SRFBP1: variants seen among roughly 807,000 people sequenced by gnomAD.
SRFBP1 encodes serum response factor-binding protein 1.
In SRFBP1, 47 loss-of-function variants were observed where a neutral mutation model predicts 45.5. The ratio of observed to expected loss-of-function variants is 1.03; its 90% confidence interval spans 0.82 to 1.32. SRFBP1 has a LOEUF of 1.32. Ranked by LOEUF, SRFBP1 falls within the 40% of genes most tolerant of loss-of-function variation. The pLI is 0.00. For synonymous variants in SRFBP1, 203 were observed against 166.3 expected (o/e 1.22, Z -1.70); for missense variants, 621 against 484.6 (o/e 1.28, Z -2.64).
At chr5:122,034,408 TGTCC>T (rs1247952114) in intron 2 of SRFBP1, among the ~76,000 whole-genome samples, 13 of 152,272 alleles carry the variant, frequency 8.5e-5, no homozygotes, top group Non-Finnish European at 1.8e-4. Context: ...ATGTTTCTGT[TGTCC>T]TTTTGCTTAT....
intron 3 of SRFBP1, among the ~76,000 whole-genome samples, chr5:121,983,802 G>T (rs1440107019): frequency 6.6e-6 from 1 of 151,642 alleles, no homozygotes; most frequent in Non-Finnish European, 1.5e-5. Context: ...TCTTTAACTG[G>T]CTGCCAGCAA....
downstream of SRFBP1, chr5:122,077,906 C>A (rs374368100): frequency 1.3e-6 from 2 of 1,514,982 alleles, no homozygotes; most frequent in Non-Finnish European, 1.8e-6. The surrounding 1 kb of genome is among the most constrained non-coding windows in gnomAD (Gnocchi z 4.9). Context: ...CTGCTGTTGG[C>A]CGGCGGCGGG....
chr5:121,987,082 TC>T (rs779501789), intron 3 of SRFBP1, among the ~76,000 whole-genome samples: 1 of 152,122 alleles, frequency 6.6e-6, no homozygotes, highest in Non-Finnish European at 1.5e-5. Flanking sequence ...GAGTTACTCA[TC>T]CTCGAGTCTG....
chr5:121,962,882 T>C (rs1488160184), intron 1 of SRFBP1, among the ~76,000 whole-genome samples: 2 of 152,334 alleles, frequency 1.3e-5, no homozygotes, highest in South Asian at 2.1e-4. Flanking sequence ...CTGTTTAGAT[T>C]ACACACAGTA....
intron 3 of SRFBP1, among the ~76,000 whole-genome samples, chr5:121,982,608 G>C (rs77733267): frequency 1.1e-3 from 161 of 151,934 alleles, no homozygotes; most frequent in African/African-American, 3.7e-3. Context: ...GCTTCTGTTT[G>C]AAAACAAAGA....
At chr5:121,989,040 A>G (rs1752573125) in intron 3 of SRFBP1, among the ~76,000 whole-genome samples, 3 of 150,516 alleles carry the variant, frequency 2.0e-5, no homozygotes. Flanking sequence ...TTATCTGAAA[A>G]AAAAAGATAT....
intron 2 of SRFBP1, among the ~76,000 whole-genome samples, chr5:122,043,408 G>T (rs530225710): frequency 9.2e-5 from 14 of 152,134 alleles, no homozygotes; most frequent in Non-Finnish European, 1.8e-4. Flanking sequence ...CAGAGACGAG[G>T]TTTCACTCTG....
chr5:121,981,928 C>T (rs780736622), intron 3 of SRFBP1, among the ~76,000 whole-genome samples: 18 of 151,780 alleles, frequency 1.2e-4, no homozygotes, highest in South Asian at 4.1e-4. Context: ...ACATAGTGAA[C>T]GCTGCTTGGC....
intron 3 of SRFBP1, among the ~76,000 whole-genome samples, chr5:121,990,780 GT>G (rs1464220176): frequency 6.6e-6 from 1 of 152,106 alleles, no homozygotes; most frequent in Non-Finnish European, 1.5e-5. Context: ...AAAGTTGTTT[GT>G]TTTATGTATG....
At chr5:122,026,071 CAG>C (rs1055667147) in intron 7 of SRFBP1, among the ~76,000 whole-genome samples, 2 of 152,158 alleles carry the variant, frequency 1.3e-5, no homozygotes, top group African/African-American at 4.8e-5. Flanking sequence ...TCCTGGGCAA[CAG>C]AGCAAGACTC....
At chr5:121,980,177 T>C (rs1752380008) in intron 3 of SRFBP1, among the ~76,000 whole-genome samples, 1 of 152,190 alleles carries the variant, frequency 6.6e-6, no homozygotes, top group South Asian at 2.1e-4. Flanking sequence ...TTGTGTTTCA[T>C]AATCTCTAAT....
chr5:122,077,726 G>C (rs572413728), downstream of SRFBP1: 1 of 1,580,308 alleles, frequency 6.3e-7, no homozygotes, highest in Admixed American at 1.8e-5. The surrounding 1 kb of genome is among the most constrained non-coding windows in gnomAD (Gnocchi z 4.9). Context: ...CGGAGTGCGG[G>C]GCTGCTGGGC....
At chr5:122,035,613 A>G (rs1753681597) in intron 2 of SRFBP1, among the ~76,000 whole-genome samples, 1 of 152,166 alleles carries the variant, frequency 6.6e-6, no homozygotes, top group Non-Finnish European at 1.5e-5. Flanking sequence ...TTTTTCTATT[A>G]GAATTTTTAG....
At chr5:121,965,828 A>G (rs747181836) in intron 1 of SRFBP1, among the ~76,000 whole-genome samples, 12 of 152,124 alleles carry the variant, frequency 7.9e-5, no homozygotes, top group Non-Finnish European at 1.8e-4. Flanking sequence ...ATGAGCATGG[A>G]ATGTTTTTCC....
At chr5:122,061,015 T>C (rs1421286944) in intron 2 of SRFBP1, among the ~76,000 whole-genome samples, 2 of 152,118 alleles carry the variant, frequency 1.3e-5, no homozygotes, top group Non-Finnish European at 2.9e-5. Flanking sequence ...AAGGGTTTTT[T>C]CTAATATCAT....
chr5:122,061,249 G>A (rs572566243), intron 2 of SRFBP1, among the ~76,000 whole-genome samples: 6 of 151,706 alleles, frequency 4.0e-5, no homozygotes, highest in East Asian at 3.9e-4. Context: ...AGACTCTATC[G>A]TTAAATTTGT....
At chr5:121,974,174 A>C in intron 1 of SRFBP1, 22 bp from the exon 2 acceptor site, 10 of 1,572,044 alleles carry the variant, frequency 6.4e-6, no homozygotes, top group African/African-American at 1.4e-5. Context: ...CTTTCTTCTA[A>C]TTATTGCTTT....
intron 3 of SRFBP1, among the ~76,000 whole-genome samples, chr5:121,982,892 A>T (rs1363890507): frequency 6.6e-6 from 1 of 151,710 alleles, no homozygotes; most frequent in Non-Finnish European, 1.5e-5. Context: ...AATTCTGGAA[A>T]TTTGAACCTA....
chr5:122,048,687 G>T (rs1219626680), intron 2 of SRFBP1, among the ~76,000 whole-genome samples: 2 of 152,042 alleles, frequency 1.3e-5, no homozygotes, highest in Non-Finnish European at 2.9e-5. Context: ...GACTTTTTTT[G>T]ATTGGTAAGC....
Sources: allele counts gnomAD v4.1 joint callset (sites outside exome capture counted in the v4.1 genomes callset), GRCh38; gene constraint gnomAD v4.1.1; non-coding constraint Gnocchi (gnomAD v3.1); transcripts MANE v1.5; gene names NCBI Gene and HGNC (gene_info 2026-07-23, HGNC 2026-07-21).